Variants in IL1RAPL2 observed in about 807,000 individuals in gnomAD.
The protein encoded by IL1RAPL2 is X-linked interleukin-1 receptor accessory protein-like 2.
In IL1RAPL2, 3 loss-of-function variants were observed where a neutral mutation model predicts 44.1. That is an observed-to-expected ratio of 0.07 (90% CI 0.03 to 0.18). IL1RAPL2 has a LOEUF of 0.18. IL1RAPL2 is among the 10% of genes least tolerant of loss of function. IL1RAPL2 has a pLI of 1.00. For synonymous variants in IL1RAPL2, 181 were observed against 178.8 expected (o/e 1.01, Z -0.10); for missense variants, 391 against 496.4 (o/e 0.79, Z 2.02).
chrX:104,942,823 C>T (rs1925222054), intron 2 of IL1RAPL2, among the ~76,000 whole-genome samples: 1 of 111,337 alleles, frequency 9.0e-6, no homozygotes. Flanking sequence ...ATGATATTGG[C>T]TGTGGGTTTG....
At position 104,787,093 on chromosome X, in the gene IL1RAPL2, C is replaced by T. The variant is rs771330834; in HGVS notation, c.82+128098C>T. Among the ~76,000 whole-genome samples, 12 of 110,434 alleles carry T rather than the reference C, an allele frequency of 1.1e-4. No homozygotes were observed. The Middle Eastern group carries it at 0.029, about 264-fold the overall frequency. ...CACTTAACAATAGTTTGAGTACCCA[C>T]TTTGTGCCAGGCAACGTTTTCAGCA... On this transcript the variant is annotated intron_variant, in intron 2 of 10. Coordinates refer to ENST00000372582, the MANE Select transcript of IL1RAPL2 (RefSeq NM_017416.2).
intron 9 of IL1RAPL2, among the ~76,000 whole-genome samples, chrX:105,750,663 C>G (rs2038589813): frequency 9.2e-6 from 1 of 109,110 alleles, no homozygotes; most frequent in Non-Finnish European, 1.9e-5. Context: ...CAAATCTACA[C>G]ATTTACTCAG....
chrX:104,656,120 A>G, intron 1 of IL1RAPL2, among the ~76,000 whole-genome samples: 1 of 110,907 alleles, frequency 9.0e-6, no homozygotes, highest in East Asian at 2.9e-4. Flanking sequence ...TTTTCAAAAA[A>G]CCAACCCCTG....
intron 5 of IL1RAPL2, among the ~76,000 whole-genome samples, chrX:105,438,004 C>T (rs778802992): frequency 2.7e-4 from 30 of 111,731 alleles, no homozygotes; most frequent in Non-Finnish European, 5.5e-4. Flanking sequence ...TGGATTCAAC[C>T]TAATAAAGAG....
chrX:104,838,458 C>T (rs1195502236), intron 2 of IL1RAPL2, among the ~76,000 whole-genome samples: 1 of 111,067 alleles, frequency 9.0e-6, no homozygotes, highest in Non-Finnish European at 1.9e-5. Flanking sequence ...AAGCTGTATG[C>T]CTATGTATTT....
chrX:105,665,714 GTTTTTA>G (rs1279266107), intron 6 of IL1RAPL2, among the ~76,000 whole-genome samples: 1 of 97,567 alleles, frequency 1.0e-5, no homozygotes, highest in Non-Finnish European at 2.0e-5. Flanking sequence ...CCTTTCAATA[GTTTTTA>G]TTTTTGTTTT....
chrX:105,597,258 A>T (rs1231406773), intron 6 of IL1RAPL2, among the ~76,000 whole-genome samples: 2 of 112,160 alleles, frequency 1.8e-5, no homozygotes, highest in Admixed American at 1.9e-4. Flanking sequence ...ATGTGAAGAA[A>T]ATGCTCAAAA....
chrX:105,736,154 G>C (rs2038446949), intron 7 of IL1RAPL2, among the ~76,000 whole-genome samples: 1 of 111,349 alleles, frequency 9.0e-6, no homozygotes, highest in Non-Finnish European at 1.9e-5. Context: ...ATGGTGCTGG[G>C]ATTATTGGGT....
chrX:104,568,552 C>T (rs1928085501), intron 1 of IL1RAPL2, among the ~76,000 whole-genome samples: 1 of 111,795 alleles, frequency 8.9e-6, no homozygotes, highest in Non-Finnish European at 1.9e-5. Context: ...GCTAGATAGC[C>T]CACAATTACC....
At position 105,748,996 on chromosome X, in the gene IL1RAPL2, G is replaced by A; in HGVS notation, c.1085G>A (p.Gly362Glu). Reference sequence around the variant, plus strand: ...AAAATTGAGCTTGCAGGGGGCCTGGGAGCAATCTTCCTCCTCCTTGTACTG... The same window carrying A: ...AAAATTGAGCTTGCAGGGGGCCTGGAAGCAATCTTCCTCCTCCTTGTACTG... ...IYKIELAGGL[G>E]AIFLLLVLLV... Residue 362 changes from glycine to glutamate, a missense_variant, in exon 9 of 11, where the codon GGA becomes GAA. Gly to Glu is a moderately conservative substitution (Grantham distance 98). This residue lies in a region of IL1RAPL2 where 232 missense variants were observed against 244.8 expected (regional missense o/e 0.95). Transcript: ENST00000372582. The A allele has an allele frequency of 8.3e-7, 1 of 1,209,163 alleles. No homozygotes were observed. The highest frequency in any genetic ancestry group is 1.1e-6 in the Non-Finnish European group (1 of 893,522).
At chrX:105,657,024 T>C (rs887208508) in intron 6 of IL1RAPL2, among the ~76,000 whole-genome samples, 1 of 111,628 alleles carries the variant, frequency 9.0e-6, no homozygotes, top group South Asian at 3.8e-4. Flanking sequence ...CCGTGTCACA[T>C]TTATAGGCCC....
In IL1RAPL2 at chrX:104,836,460, A is replaced by AC. The variant is rs756078699; in HGVS notation, c.82+177466dup. ...AAAGGATAAATGCTTGAGGTGATGGACACCCCATTTACCCTGATGTTATTA... is the reference window on the plus strand; with the variant it reads ...AAAGGATAAATGCTTGAGGTGATGGACCACCCCATTTACCCTGATGTTATTA... On this transcript the variant is annotated intron_variant, in intron 2 of 10. Coordinates refer to ENST00000372582, the MANE Select transcript of IL1RAPL2 (RefSeq NM_017416.2). Among the ~76,000 whole-genome samples the AC allele has an allele frequency of 2.3e-3, 251 of 110,782 alleles. 1 individual carries two copies. Among genetic ancestry groups the AC allele is most frequent in the African/African-American group, 7.6e-3 (233 of 30,531 alleles).
chrX:104,905,238 T>C (rs1481226962), intron 2 of IL1RAPL2, among the ~76,000 whole-genome samples: 1 of 111,937 alleles, frequency 8.9e-6, no homozygotes, highest in Non-Finnish European at 1.9e-5. Context: ...GAAAATTTTC[T>C]CCCATTTTGT....
chrX:105,220,403 C>T, intron 3 of IL1RAPL2: 1 of 1,173,822 alleles, frequency 8.5e-7, no homozygotes, highest in African/African-American at 1.8e-5. Context: ...GCCATGATCG[C>T]CTAGGGGTTT....
chrX:105,656,268 T>G (rs1174585878), intron 6 of IL1RAPL2, among the ~76,000 whole-genome samples: 1 of 112,020 alleles, frequency 8.9e-6, no homozygotes, highest in Non-Finnish European at 1.9e-5. Context: ...TCTTTTATTG[T>G]TGTAGAGGTT....
Position 105,268,612 on chromosome X carries a change from A to G in IL1RAPL2, c.697+1071A>G, listed in dbSNP as rs534629698. 1.3e-4 allele frequency among the ~76,000 whole-genome samples: 14 copies of G among 109,760 alleles called. No homozygotes were observed. In the South Asian group the frequency reaches 5.5e-3, roughly 43 times the overall value. ...GAAACCCTGTCTCTACTAAAAAAAA[A>G]AAAAAAATTAGCCAGGCGTGGTGGC... is the stretch of plus-strand genomic sequence containing the variant. On this transcript the variant is annotated intron_variant, in intron 5 of 10. Transcript: ENST00000372582.
chrX:105,490,579 G>C (rs2036309988), intron 6 of IL1RAPL2, among the ~76,000 whole-genome samples: 1 of 111,939 alleles, frequency 8.9e-6, no homozygotes, highest in Non-Finnish European at 1.9e-5. Flanking sequence ...CTCTACAAGA[G>C]AATATATCAA....
At chrX:104,946,879 T>G (rs1925391237) in intron 2 of IL1RAPL2, among the ~76,000 whole-genome samples, 1 of 95,135 alleles carries the variant, frequency 1.1e-5, no homozygotes, top group African/African-American at 3.9e-5. Flanking sequence ...TAAACATACG[T>G]GTGCATGTGT....
chrX:105,591,040 C>A (rs912724922), intron 6 of IL1RAPL2, among the ~76,000 whole-genome samples: 3 of 109,959 alleles, frequency 2.7e-5, no homozygotes, highest in African/African-American at 9.9e-5. Flanking sequence ...TTCCTCTGGT[C>A]CAGGACTTTC....
Sources: gnomAD v4.1 joint callset for allele counts (sites outside exome capture counted in the v4.1 genomes callset) on GRCh38, gnomAD v4.1.1 for gene constraint, gnomAD v4.1.1 regional missense constraint, MANE v1.5 for transcripts, NCBI Gene and HGNC (gene_info 2026-07-23, HGNC 2026-07-21) for gene names.